The following AIF1L variants were observed in gnomAD, a reference collection of about 807,000 sequenced individuals.
The protein encoded by AIF1L is allograft inflammatory factor 1 like.
Under a neutral mutation model 20.7 loss-of-function variants are expected in AIF1L, and 12 were observed. The ratio of observed to expected loss-of-function variants is 0.58; its 90% CI spans 0.37 to 0.94. AIF1L has a LOEUF of 0.94. Ranked by LOEUF, AIF1L falls within the 40% of genes least tolerant of loss-of-function variation. The pLI, the probability that AIF1L is intolerant of heterozygous loss-of-function variation, is 0.01. For synonymous variants in AIF1L, 76 were observed against 65.1 expected (o/e 1.17, Z -0.81); for missense variants, 173 against 185.3 (o/e 0.93, Z 0.39).
In AIF1L at chr9:131,102,909, AC is replaced by A. The variant is rs1351084385; in HGVS notation, c.93+6050del. 9.2e-5 allele frequency: 42 copies of A among 456,202 alleles called. 1 individual carries two copies. The highest frequency in any genetic ancestry group is 4.5e-4 in the Admixed American group (19 of 42,570). The allele number at this position is 456,202 out of a possible 1,614,324, so 28.3% of individuals were successfully genotyped here. On this transcript the variant is annotated intron_variant, in intron 2 of 5. Transcript: ENST00000247291. ...GCCTCCAAGATGGTGATATCCGCCC[AC>A]CCCAAAATTCTGCTGCAGCTGATAC...
chr9:131,101,939 C>T (rs1210572632), intron 2 of AIF1L, among the ~76,000 whole-genome samples: 2 of 152,044 alleles, frequency 1.3e-5, no homozygotes, highest in Non-Finnish European at 2.9e-5. Context: ...CATTTTGAGA[C>T]AGAGTCTCAC....
intron 2 of AIF1L, among the ~76,000 whole-genome samples, chr9:131,109,966 T>G (rs1254829406): frequency 6.6e-6 from 1 of 152,134 alleles, no homozygotes; most frequent in Admixed American, 6.5e-5. Context: ...TCCCAGCACT[T>G]TGGGAGGCCG....
At position 131,115,171 on chromosome 9, in the gene AIF1L, C is replaced by T. The variant is rs555412192; in HGVS notation, c.202+553C>T. Among the ~76,000 whole-genome samples, 14 of 152,206 alleles carry T rather than the reference C, an allele frequency of 9.2e-5. No homozygotes were observed. In the South Asian group the frequency reaches 2.5e-3, roughly 27 times the overall value. On this transcript the variant is annotated intron_variant, in intron 4 of 5. Coordinates refer to ENST00000247291, the MANE Select transcript of AIF1L (RefSeq NM_031426.4). ...CAAGACTCAGAAAGGTGAAATGGGC[C>T]GGGCGCCATGGCTCAAGCCTGTAAT... is the stretch of plus-strand genomic sequence containing the variant.
intron 4 of AIF1L, among the ~76,000 whole-genome samples, chr9:131,116,376 G>C (rs1259609098): frequency 6.6e-6 from 1 of 152,054 alleles, no homozygotes; most frequent in Non-Finnish European, 1.5e-5. Context: ...CGGTTCTCCT[G>C]CCTCAGCCTC....
chr9:131,096,931 C>A, intron 2 of AIF1L, 68 bp downstream of exon 2: 1 of 1,450,188 alleles, frequency 6.9e-7, no homozygotes, highest in Non-Finnish European at 9.1e-7. Context: ...ACCTCTCCTT[C>A]CGCGAGGCCG....
chr9:131,097,796 C>A (rs1442378910), intron 2 of AIF1L, among the ~76,000 whole-genome samples: 1 of 152,250 alleles, frequency 6.6e-6, no homozygotes, highest in African/African-American at 2.4e-5. Flanking sequence ...CATCTCCAAG[C>A]AGGGCATTGT....
intron 2 of AIF1L, 98 bp from the exon 3 acceptor site, chr9:131,111,499 G>A (rs1830882563): frequency 8.9e-7 from 1 of 1,125,124 alleles, no homozygotes; most frequent in African/African-American, 1.5e-5. Context: ...GTCGCACCTG[G>A]TTACCCGATA....
chr9:131,119,289 T>G (rs895462415), intron 5 of AIF1L, among the ~76,000 whole-genome samples: 1 of 152,106 alleles, frequency 6.6e-6, no homozygotes, highest in African/African-American at 2.4e-5. Flanking sequence ...TCACCTGAGG[T>G]CAGGAGTTCG....
intron 4 of AIF1L, among the ~76,000 whole-genome samples, chr9:131,116,873 C>T (rs959809357): frequency 6.6e-6 from 1 of 152,190 alleles, no homozygotes; most frequent in African/African-American, 2.4e-5. Context: ...AGAAGGCTGC[C>T]CAGCTCTCTC....
At chr9:131,107,091 C>CA (rs1830770286) in intron 2 of AIF1L, among the ~76,000 whole-genome samples, 2 of 151,830 alleles carry the variant, frequency 1.3e-5, no homozygotes, top group Non-Finnish European at 2.9e-5. Flanking sequence ...GACTCCGTCC[C>CA]AAAAAACAAA....
At chr9:131,104,123 G>A (rs1017752763) in intron 2 of AIF1L, among the ~76,000 whole-genome samples, 15 of 152,250 alleles carry the variant, frequency 9.9e-5, no homozygotes, top group East Asian at 1.9e-4. Flanking sequence ...GCTCCTGCCC[G>A]CTTGCATTTC....
chr9:131,112,216 G>A (rs1487394500), intron 3 of AIF1L: 2 of 155,202 alleles, frequency 1.3e-5, no homozygotes, highest in East Asian at 1.9e-4. Context: ...CCTGGCGCTT[G>A]GTTCCCAGCC....
At chr9:131,110,484 A>G (rs1443086227) in intron 2 of AIF1L, among the ~76,000 whole-genome samples, 1 of 150,096 alleles carries the variant, frequency 6.7e-6, no homozygotes, top group Non-Finnish European at 1.5e-5. Context: ...TCACACTCTC[A>G]CTGGATTTCT....
intron 5 of AIF1L, among the ~76,000 whole-genome samples, chr9:131,118,364 A>G (rs1006125514): frequency 3.3e-5 from 5 of 152,004 alleles, no homozygotes; most frequent in Non-Finnish European, 5.9e-5. Context: ...AAATGTTAGG[A>G]TTATAGGCGT....
chr9:131,097,986 C>A (rs945046603), intron 2 of AIF1L, among the ~76,000 whole-genome samples: 1 of 152,246 alleles, frequency 6.6e-6, no homozygotes, highest in Non-Finnish European at 1.5e-5. Flanking sequence ...CCTCTGGTCC[C>A]CTGGACACCC....
chr9:131,118,610 G>C (rs1831067584), intron 5 of AIF1L, among the ~76,000 whole-genome samples: 1 of 148,866 alleles, frequency 6.7e-6, no homozygotes, highest in Non-Finnish European at 1.5e-5. Flanking sequence ...GCAGTGACAT[G>C]ATCTCAGCTC....
At chr9:131,115,884 G>C (rs1450334795) in intron 4 of AIF1L, among the ~76,000 whole-genome samples, 1 of 150,768 alleles carries the variant, frequency 6.6e-6, no homozygotes, top group Non-Finnish European at 1.5e-5. Flanking sequence ...TGAGGCAGGA[G>C]AATTGCTTTA....
intron 3 of AIF1L, 50 bp from the exon 4 acceptor site, chr9:131,114,527 G>T: frequency 1.2e-6 from 2 of 1,607,784 alleles, no homozygotes; most frequent in South Asian, 2.2e-5. Flanking sequence ...GGTCCCCACA[G>T]GGAGACGCTG....
intron 5 of AIF1L, 66 bp from the exon 6 acceptor site, chr9:131,120,169 C>T: frequency 6.7e-7 from 1 of 1,490,968 alleles, no homozygotes; most frequent in South Asian, 1.2e-5. Flanking sequence ...TGATCTTTCC[C>T]TGGATGAGGG....
Sources: allele counts gnomAD v4.1 joint callset (sites outside exome capture counted in the v4.1 genomes callset), GRCh38; gene constraint gnomAD v4.1.1; transcripts MANE v1.5; gene names NCBI Gene and HGNC (gene_info 2026-07-23, HGNC 2026-07-21).